The following SRGAP1 variants were observed in gnomAD, a reference collection of about 807,000 sequenced individuals.
SRGAP1 encodes SLIT-ROBO Rho GTPase activating protein 1.
Under a neutral mutation model 121.9 loss-of-function variants are expected in SRGAP1, and 43 were observed. That is an observed-to-expected ratio of 0.35 (90% CI 0.28 to 0.46). The LOEUF is 0.46. SRGAP1 is among the 20% of genes least tolerant of loss of function. The probability of loss-of-function intolerance (pLI) is 1.00; values close to 1 mark genes in which losing one functional copy is unlikely to be tolerated. For synonymous variants in SRGAP1, 447 were observed against 485.4 expected (o/e 0.92, Z 1.04); for missense variants, 1,102 against 1,350.9 (o/e 0.82, Z 2.89).
In SRGAP1 at chr12:64,147,567, A is replaced by C. The variant is rs789733; in HGVS notation, c.*4895A>C. 396,131 of 398,814 alleles carry C rather than the reference A, an allele frequency of 0.99. 196,738 individuals carry two copies. The highest frequency in any genetic ancestry group is 1 in the East Asian group (28,068 of 28,070). 24.7% of individuals were successfully genotyped at this position (398,814 alleles called of 1,614,324 possible). The stretch of plus-strand genomic sequence containing the variant: ...CTGTGTCCTCCCATCCCACCGCATC[A>C]GTCCCCCGCTCATGTGCTGCTGACA... On this transcript the variant is annotated 3_prime_UTR_variant, in exon 22 of 22. Transcript: ENST00000355086.
chr12:64,116,062 C>G (rs2036516074), intron 18 of SRGAP1, 169 bp downstream of exon 18: 4 of 583,896 alleles, frequency 6.9e-6, no homozygotes, highest in Non-Finnish European at 3.0e-6. Flanking sequence ...CAACACCAGC[C>G]TGTGCAACAT....
rs1275755916 is a variant in SRGAP1 at position 63,967,550 on chromosome 12, CTT to C, written c.68-16394_68-16393del. Among the ~76,000 whole-genome samples the C allele has an allele frequency of 2.6e-5, 4 of 152,192 alleles. No homozygotes were observed. In the East Asian group the frequency reaches 7.7e-4, roughly 29 times the overall value. On this transcript the variant is annotated intron_variant, in intron 1 of 21. Transcript: ENST00000355086. ...CGAGTTCTTATTGCAGGCAAGGAAA[CTT>C]TTCCTAGGGTTGGAGTTGCCTGACA...
chr12:64,035,814 T>C (rs902880904), intron 4 of SRGAP1, among the ~76,000 whole-genome samples: 12 of 152,188 alleles, frequency 7.9e-5, no homozygotes, highest in Admixed American at 7.9e-4. Flanking sequence ...TGCTTTGCCT[T>C]TGGGAGACAG....
At chr12:64,073,928 G>A (rs899085765) in intron 8 of SRGAP1, among the ~76,000 whole-genome samples, 2 of 145,992 alleles carry the variant, frequency 1.4e-5, no homozygotes, top group African/African-American at 5.3e-5. Flanking sequence ...TCCTTTAATT[G>A]TGTTTTAATT....
At chr12:64,084,271 ATGTT>A (rs57059612) in intron 10 of SRGAP1, among the ~76,000 whole-genome samples, 17,516 of 152,166 alleles carry the variant, frequency 0.12, 1,185 homozygotes, top group South Asian at 0.25. Flanking sequence ...CTGAAAAAAA[ATGTT>A]TGAACCAAGA....
At chr12:63,956,102 C>T (rs1282247691) in intron 1 of SRGAP1, among the ~76,000 whole-genome samples, 1 of 152,088 alleles carries the variant, frequency 6.6e-6, no homozygotes, top group Admixed American at 6.5e-5. Context: ...GGTCTGTCAC[C>T]CAGGCTGGAG....
At chr12:63,946,924 T>C (rs1475043367) in intron 1 of SRGAP1, among the ~76,000 whole-genome samples, 1 of 152,220 alleles carries the variant, frequency 6.6e-6, no homozygotes, top group Non-Finnish European at 1.5e-5. Context: ...TTGCTTCTTT[T>C]ACTTAGCAAA....
chr12:64,019,849 A>G (rs1416303184), intron 4 of SRGAP1, among the ~76,000 whole-genome samples: 2 of 152,190 alleles, frequency 1.3e-5, no homozygotes, highest in Non-Finnish European at 2.9e-5. Flanking sequence ...TGTACAACTG[A>G]TGATGTAATA....
chr12:63,871,354 A>G (rs1349512009), intron 1 of SRGAP1, among the ~76,000 whole-genome samples: 3 of 152,138 alleles, frequency 2.0e-5, no homozygotes, highest in African/African-American at 4.8e-5. Context: ...TTCATGCCAC[A>G]CCTGGGTAAA....
intron 1 of SRGAP1, 132 bp from the exon 2 acceptor site, chr12:63,983,797 AATATATATATATATATAT>A (rs71911661): frequency 0.052 from 3,397 of 64,760 alleles, 95 homozygotes; most frequent in South Asian, 0.067. Flanking sequence ...ATACATTTAA[AATATATATATATATATAT>A]ATATATATAT....
chr12:64,092,747 G>A (rs1247313048), intron 12 of SRGAP1, among the ~76,000 whole-genome samples: 1 of 152,124 alleles, frequency 6.6e-6, no homozygotes, highest in Non-Finnish European at 1.5e-5. Context: ...TAAAATGAAA[G>A]CAATGAGATA....
At chr12:63,901,317 T>C (rs1299439446) in intron 1 of SRGAP1, among the ~76,000 whole-genome samples, 1 of 152,174 alleles carries the variant, frequency 6.6e-6, no homozygotes, top group African/African-American at 2.4e-5. Flanking sequence ...TCCTGCACCA[T>C]GTTTATGCAA....
intron 12 of SRGAP1, among the ~76,000 whole-genome samples, chr12:64,092,926 A>G (rs7955621): frequency 0.013 from 1,908 of 152,308 alleles, 40 homozygotes; most frequent in African/African-American, 0.043. Flanking sequence ...AATGAAAGTA[A>G]ATTGAGGTAC....
chr12:63,960,414 G>T (rs1419416419), intron 1 of SRGAP1, among the ~76,000 whole-genome samples: 2 of 151,978 alleles, frequency 1.3e-5, no homozygotes, highest in African/African-American at 4.8e-5. Flanking sequence ...CTTCCAAGGA[G>T]CTTCCTCATG....
chr12:64,095,594 C>G (rs545991397), intron 14 of SRGAP1, among the ~76,000 whole-genome samples: 2 of 152,208 alleles, frequency 1.3e-5, no homozygotes, highest in East Asian at 3.9e-4. Flanking sequence ...TTTCTTCTCA[C>G]GGTCCACAGA....
Position 64,128,155 on chromosome 12 carries a change from G to A in SRGAP1, c.2835G>A (p.Thr945=), listed in dbSNP as rs371024504. ...IRRSTSSGQY[T]GFNDHKPLDP... ...GGTCCACGTCATCAGGGCAATACAC[G>A]GGCTTCAATGACCACAAGCCACTGG... is the stretch of plus-strand genomic sequence containing the variant. Residue 945 remains threonine (T), a synonymous_variant, in exon 21 of 22, where the codon ACG becomes ACA. Transcript: ENST00000355086. The A allele has an allele frequency of 1.1e-4, 174 of 1,613,750 alleles. No homozygotes were observed. The highest frequency in any genetic ancestry group is 1.4e-4 in the Non-Finnish European group (160 of 1,179,906).
chr12:63,844,934 G>A lies in SRGAP1; in HGVS notation c.67+51G>A, dbSNP rs1420302815. 6.4e-7 allele frequency: 1 copy of A among 1,561,228 alleles called. No individual in the cohort carries two copies. On this transcript the variant is annotated intron_variant, in intron 1 of 21. Transcript: ENST00000355086. The surrounding 1 kb of genome is among the most constrained non-coding windows in gnomAD (Gnocchi z 4.3). The stretch of plus-strand genomic sequence containing the variant: ...TCCTTTTGTGTGCCTTCTTGTCATT[G>A]TGCTCGTGGAGTTGCGTATCTAACT...
intron 3 of SRGAP1, among the ~76,000 whole-genome samples, chr12:63,991,037 T>G (rs2033545140): frequency 6.6e-6 from 1 of 152,206 alleles, no homozygotes; most frequent in African/African-American, 2.4e-5. Context: ...CTCAGCAATT[T>G]TTTTGTTGTG....
At chr12:64,056,955 A>T (rs532757430) in intron 6 of SRGAP1, among the ~76,000 whole-genome samples, 2 of 152,152 alleles carry the variant, frequency 1.3e-5, no homozygotes, top group Non-Finnish European at 2.9e-5. Context: ...AGCATTTACC[A>T]TCTGGCCTGT....
Sources: allele counts gnomAD v4.1 joint callset (sites outside exome capture counted in the v4.1 genomes callset), GRCh38; gene constraint gnomAD v4.1.1; non-coding constraint Gnocchi (gnomAD v3.1); transcripts MANE v1.5; gene names NCBI Gene and HGNC (gene_info 2026-07-23, HGNC 2026-07-21).